The following PEG3 variants were observed in gnomAD, a reference collection of about 807,000 sequenced individuals.
PEG3 encodes the protein paternally-expressed gene 3 protein.
In PEG3, 23 loss-of-function variants were observed where a neutral mutation model predicts 35.5. The observed-to-expected ratio is 0.65, with a 90% confidence interval of 0.47 to 0.92. PEG3 has a LOEUF of 0.92. PEG3 is among the 40% of genes least tolerant of loss of function. The pLI is 0.00. For missense variants in PEG3, 1,960 were observed against 1,985.3 expected (o/e 0.99, Z 0.24); for synonymous variants, 707 against 697.0 (o/e 1.01, Z -0.23).
Position 56,810,414 on chromosome 19 carries a change from T to C in PEG3, c.*3261A>G, listed in dbSNP as rs2048046087. ...ACAACTATTTCTTGTTTTTCATCTT[T>C]CTTCCCATCTTTGACATTTATGCAT... On this transcript the variant is annotated 3_prime_UTR_variant, in exon 10 of 10. Coordinates refer to ENST00000326441, the MANE Select transcript of PEG3 (RefSeq NM_006210.3). 1 of 985,066 alleles carries C rather than the reference T, an allele frequency of 1.0e-6. No homozygotes were observed. Among genetic ancestry groups the C allele is most frequent in the Non-Finnish European group, 1.2e-6 (1 of 829,686 alleles). The allele number at this position is 985,066 out of a possible 1,614,324, so 61.0% of individuals were successfully genotyped here.
chr19:56,813,564 C>A lies in PEG3; in HGVS notation c.*111G>T. The A allele has an allele frequency of 6.8e-7, 1 of 1,459,876 alleles. No homozygotes were observed. Among genetic ancestry groups the A allele is most frequent in the Non-Finnish European group, 9.1e-7 (1 of 1,102,908 alleles). The allele number at this position is 1,459,876 out of a possible 1,614,324, so 90.4% of individuals were successfully genotyped here. The stretch of plus-strand genomic sequence containing the variant: ...TAGAGATGTTAAGTCAGGTGTGTAA[C>A]ACACTAAGGTTAAGTCTCCTACTGA... On this transcript the variant is annotated 3_prime_UTR_variant, in exon 10 of 10. Transcript: ENST00000326441.
Position 56,812,958 on chromosome 19 carries a change from T to A in PEG3, c.*717A>T. 1 of 985,814 alleles carries A rather than the reference T, an allele frequency of 1.0e-6. No homozygotes were observed. The highest frequency in any genetic ancestry group is 1.2e-6 in the Non-Finnish European group (1 of 829,912). The allele number at this position is 985,814 out of a possible 1,614,324, so 61.1% of individuals were successfully genotyped here. ...TTGTAAAGCCTTACACAGTATTAGG[T>A]TCCAAAGTGTTGGCGCAGATGAAAT... On this transcript the variant is annotated 3_prime_UTR_variant, in exon 10 of 10. Coordinates refer to ENST00000326441, the MANE Select transcript of PEG3 (RefSeq NM_006210.3).
At chr19:56,821,115 T>G (rs2060447120) in intron 7 of PEG3, among the ~76,000 whole-genome samples, 1 of 152,256 alleles carries the variant, frequency 6.6e-6, no homozygotes, top group African/African-American at 2.4e-5. Flanking sequence ...AGGTACTTTA[T>G]GTATGTGTGT....
chr19:56,818,728 A>G lies in PEG3; in HGVS notation c.670-26T>C, dbSNP rs200843630. 1.1e-5 allele frequency: 17 copies of G among 1,605,494 alleles called. No homozygotes were observed. In the African/African-American group the frequency reaches 2.1e-4, roughly 20 times the overall value. ...CTAAAACAGCAAACACAGACCTCTC[A>G]ATGGAGTCTGTCCCCACCGATGTTC... is the stretch of plus-strand genomic sequence containing the variant. On this transcript the variant is annotated intron_variant, in intron 7 of 9. Coordinates refer to ENST00000326441, the MANE Select transcript of PEG3 (RefSeq NM_006210.3).
At position 56,811,158 on chromosome 19, in the gene PEG3, T is replaced by G; in HGVS notation, c.*2517A>C. The G allele has an allele frequency of 1.0e-6, 1 of 977,950 alleles. No homozygotes were observed. The highest frequency in any genetic ancestry group is 1.2e-6 in the Non-Finnish European group (1 of 823,086). The allele number at this position is 977,950 out of a possible 1,614,324, so 60.6% of individuals were successfully genotyped here. A position where few individuals can be genotyped will look rare whatever the true frequency, so the allele number is the denominator to read the frequency against. On this transcript the variant is annotated 3_prime_UTR_variant, in exon 10 of 10. Coordinates refer to ENST00000326441, the MANE Select transcript of PEG3 (RefSeq NM_006210.3). ...TGTGTGATAATGAGTTCAAATTATG[T>G]TCACAATGAAAATGTGATCATAAAC...
rs921281183 is a variant in PEG3 at position 56,812,154 on chromosome 19, C to T, written c.*1521G>A. On this transcript the variant is annotated 3_prime_UTR_variant, in exon 10 of 10. Transcript: ENST00000326441. ...TTTAAATTTTATATTTTTTTTCCAG[C>T]CAACTCAAGGCCAAAAAAAATTTCT... 10 of 970,956 alleles carry T rather than the reference C, an allele frequency of 1.0e-5. No individual in the cohort carries two copies. The allele number at this position is 970,956 out of a possible 1,614,324, so 60.1% of individuals were successfully genotyped here.
At chr19:56,822,113 C>T (rs2060551215) in intron 6 of PEG3, among the ~76,000 whole-genome samples, 1 of 152,174 alleles carries the variant, frequency 6.6e-6, no homozygotes, top group South Asian at 2.1e-4. Context: ...GCATCAGAGA[C>T]CGTCCCACAG....
intron 2 of PEG3, among the ~76,000 whole-genome samples, chr19:56,829,043 GA>G (rs1250305718): frequency 6.6e-6 from 1 of 151,836 alleles, no homozygotes; most frequent in Non-Finnish European, 1.5e-5. Context: ...ATGATAATAA[GA>G]AAAAAAAGCT....
intron 2 of PEG3, chr19:56,833,257 C>G (rs2061751548): frequency 2.1e-6 from 1 of 473,258 alleles, no homozygotes. Flanking sequence ...CCATGGTGCA[C>G]CTAGATTCAG....
rs1029265402 is a variant in PEG3, at chr19:56,817,165, A to T, written c.1277T>A (p.Met426Lys). 1 of 1,614,108 alleles carries T rather than the reference A, an allele frequency of 6.2e-7. No homozygotes were observed. Among genetic ancestry groups the T allele is most frequent in the African/African-American group, 1.3e-5 (1 of 74,954 alleles). ...FECGSEMRKA[M>K]SVSSLSSLSS... The stretch of plus-strand genomic sequence containing the variant: ...GAGGCTGCTCAGGCTGCTCACGCTC[A>T]TGGCTTTTCTCATCTCACTACCACA... The change falls in exon 10 of 10, where the codon ATG becomes AAG. Residue 426 changes from methionine (M) to lysine (K), a missense_variant. By Grantham distance (95) the Met-to-Lys change is moderately conservative (BLOSUM62 -1). Coordinates refer to ENST00000326441, the MANE Select transcript of PEG3 (RefSeq NM_006210.3).
Position 56,811,371 on chromosome 19 carries a change from T to C in PEG3, c.*2304A>G. The C allele has an allele frequency of 1.1e-6, 1 of 872,842 alleles. No individual in the cohort carries two copies. Among genetic ancestry groups the C allele is most frequent in the African/African-American group, 1.8e-5 (1 of 55,148 alleles). The allele number at this position is 872,842 out of a possible 1,614,324, so 54.1% of individuals were successfully genotyped here. A position where few individuals can be genotyped will look rare whatever the true frequency, so the allele number is the denominator to read the frequency against. On this transcript the variant is annotated 3_prime_UTR_variant, in exon 10 of 10. Transcript: ENST00000326441. ...TAAATGAACTGTTGAGTTATAACTG[T>C]AGTATAAATATACTTTCGTGTCCTG...
rs746694358 is a variant in PEG3 at position 56,814,696 on chromosome 19, T to C, written c.3746A>G (p.Glu1249Gly). 1 of 1,613,992 alleles carries C rather than the reference T, an allele frequency of 6.2e-7. No individual in the cohort carries two copies. The highest frequency in any genetic ancestry group is 2.2e-5 in the East Asian group (1 of 44,854). ...ALNEHMRLHR[E>G]DDLLEQSQMA... ...CTGGCTCTGCTCCAGTAAATCATCT[T>C]CCCTATGAAGTCTCATATGCTCATT... The change falls in exon 10 of 10, where the codon GAA (glutamate) becomes GGA (glycine). Residue 1249 changes from glutamate (E) to glycine (G), a missense_variant. Around this residue, in one of 5 missense-constraint regions of PEG3, gnomAD observed 416 missense variants for 416.7 expected, o/e 1.00. Coordinates refer to ENST00000326441, the MANE Select transcript of PEG3 (RefSeq NM_006210.3). The surrounding 1 kb of genome is among the most constrained non-coding windows in gnomAD (Gnocchi z 5.8).
At chr19:56,828,547 A>G (rs959540913) in intron 2 of PEG3, among the ~76,000 whole-genome samples, 11 of 152,212 alleles carry the variant, frequency 7.2e-5, no homozygotes, top group Non-Finnish European at 1.5e-5. Context: ...AATGGCAGAG[A>G]CCACTGAAAG....
In PEG3 at chr19:56,813,143, T is replaced by C; in HGVS notation, c.*532A>G. The C allele has an allele frequency of 1.0e-6, 1 of 982,914 alleles. No individual in the cohort carries two copies. Among genetic ancestry groups the C allele is most frequent in the Non-Finnish European group, 1.2e-6 (1 of 827,656 alleles). 60.9% of individuals were successfully genotyped at this position (982,914 alleles called of 1,614,324 possible). On this transcript the variant is annotated 3_prime_UTR_variant, in exon 10 of 10. Coordinates refer to ENST00000326441, the MANE Select transcript of PEG3 (RefSeq NM_006210.3). ...GGGTTCAAATAATGCACAATAAATC[T>C]TTCTCAGGATCTAAGACACTTAAAA...
chr19:56,838,091 C>T (rs1006716145), intron 1 of PEG3, among the ~76,000 whole-genome samples: 1 of 152,220 alleles, frequency 6.6e-6, no homozygotes. Context: ...CACCTAATGG[C>T]CAGCAAAGAT....
chr19:56,817,882 C>T lies in PEG3; in HGVS notation c.773-47G>A, dbSNP rs1011857130. 5 of 1,449,566 alleles carry T rather than the reference C, an allele frequency of 3.4e-6. No individual in the cohort carries two copies. The East Asian group carries it at 6.8e-5, about 20-fold the overall frequency. 89.8% of individuals were successfully genotyped at this position (1,449,566 alleles called of 1,614,324 possible). ...TGATGCCTCAAATTCAAGTTGAGGA[C>T]CAAGACTCATCACCATAAATTGATC... is the stretch of plus-strand genomic sequence containing the variant. On this transcript the variant is annotated intron_variant, in intron 8 of 9. Coordinates refer to ENST00000326441, the MANE Select transcript of PEG3 (RefSeq NM_006210.3).
chr19:56,811,022 T>C lies in PEG3; in HGVS notation c.*2653A>G, dbSNP rs542201329. On this transcript the variant is annotated 3_prime_UTR_variant, in exon 10 of 10. Coordinates refer to ENST00000326441, the MANE Select transcript of PEG3 (RefSeq NM_006210.3). ...TTGAATATACATTTTGACACAGTTA[T>C]AATCATAAACCTGTGCACAGAAACA... is the stretch of plus-strand genomic sequence containing the variant. The C allele has an allele frequency of 3.1e-6, 3 of 977,712 alleles. No individual in the cohort carries two copies. The highest frequency in any genetic ancestry group is 3.6e-6 in the Non-Finnish European group (3 of 822,854). The allele number at this position is 977,712 out of a possible 1,614,324, so 60.6% of individuals were successfully genotyped here.
chr19:56,834,492 C>T (rs2061883112), intron 2 of PEG3, among the ~76,000 whole-genome samples: 1 of 152,182 alleles, frequency 6.6e-6, no homozygotes, highest in South Asian at 2.1e-4. Flanking sequence ...TGATCATACA[C>T]ACTGCTGAGT....
chr19:56,839,183 T>C (rs1008421777), intron 1 of PEG3, among the ~76,000 whole-genome samples: 8 of 148,200 alleles, frequency 5.4e-5, no homozygotes, highest in African/African-American at 2.0e-4. Flanking sequence ...AATGCCACCC[T>C]GTCACTTCAG....
Sources: gnomAD v4.1 joint callset for allele counts (sites outside exome capture counted in the v4.1 genomes callset) on GRCh38, gnomAD v4.1.1 for gene constraint, gnomAD v4.1.1 regional missense constraint, Gnocchi (gnomAD v3.1) non-coding constraint, MANE v1.5 for transcripts, NCBI Gene and HGNC (gene_info 2026-07-23, HGNC 2026-07-21) for gene names.